Variants in DHPS observed in about 807,000 individuals in gnomAD.
The protein encoded by DHPS is migration-inducing gene 13.
In DHPS, 24 loss-of-function variants were observed where a neutral mutation model predicts 38.7. The ratio of observed to expected loss-of-function variants is 0.62; its 90% CI spans 0.45 to 0.87. DHPS has a LOEUF of 0.87. DHPS is among the 40% of genes least tolerant of loss of function. DHPS has a pLI of 0.00. For missense variants in DHPS, 510 were observed against 497.6 expected, an observed-to-expected ratio of 1.02 and a Z score of -0.24; for synonymous variants, 250 against 204.4, an observed-to-expected ratio of 1.22 and a Z score of -1.90.
chr19:12,677,412 C>T lies in DHPS; in HGVS notation c.679-16G>A, dbSNP rs979253304. ...GGATGTGGTTCTGCAGAGAACATGA[C>T]AGGACAGTGGCTGGAGCTCAGAGCC... On this transcript the variant is annotated splice_polypyrimidine_tract_variant and intron_variant, in intron 5 of 8. Transcript: ENST00000210060. The T allele has an allele frequency of 1.9e-6, 3 of 1,608,624 alleles. No individual in the cohort carries two copies. The highest frequency in any genetic ancestry group is 2.7e-5 in the African/African-American group (2 of 74,814).
downstream of DHPS, among the ~76,000 whole-genome samples, chr19:12,674,909 A>G (rs1437551771): frequency 1.3e-5 from 2 of 151,742 alleles, no homozygotes; most frequent in African/African-American, 4.8e-5. Context: ...AGGTCAGGAG[A>G]TAGAGATCAT....
chr19:12,681,778 C>T lies in DHPS; in HGVS notation c.-12G>A. On this transcript the variant is annotated 5_prime_UTR_variant, in exon 1 of 9. Coordinates refer to ENST00000210060, the MANE Select transcript of DHPS (RefSeq NM_001930.4). ...AGGGAACCTTCCATGCGCCTATAGC[C>T]GGCTCTCGAGTCAAAGCTGCCCCTA... 1.9e-6 allele frequency: 3 copies of T among 1,603,586 alleles called. No individual in the cohort carries two copies. The highest frequency in any genetic ancestry group is 1.7e-6 in the Non-Finnish European group (2 of 1,179,030).
downstream of DHPS, chr19:12,673,160 C>T: frequency 6.2e-7 from 1 of 1,610,574 alleles, no homozygotes; most frequent in Non-Finnish European, 8.5e-7. Flanking sequence ...TCCTCTCCCA[C>T]CCCTGGAGAG....
rs767317198 is a variant in DHPS, at chr19:12,679,906, G to A, written c.389C>T (p.Thr130Ile). 1.9e-6 allele frequency: 3 copies of A among 1,613,602 alleles called. No individual in the cohort carries two copies. Among genetic ancestry groups the A allele is most frequent in the Non-Finnish European group, 2.5e-6 (3 of 1,179,832 alleles). ...VQHNMVDVLV[T>I]TAGGVEEDLI... ...GTCTTCCTCCACGCCGCCAGCTGTG[G>A]TCACCAATACGTCCACCTGCAGCCA... The change falls in exon 3 of 9, where the codon ACC (threonine) becomes ATC (isoleucine). Residue 130 changes from threonine (T) to isoleucine (I), a missense_variant. Transcript: ENST00000210060.
intron 7 of DHPS, 95 bp downstream of exon 7, chr19:12,677,013 C>T (rs577113093): frequency 1.2e-5 from 14 of 1,183,448 alleles, no homozygotes; most frequent in South Asian, 1.2e-4. Flanking sequence ...AGCAGGGATC[C>T]TGGCCTGTCT....
chr19:12,675,122 C>T (rs922585682), downstream of DHPS, among the ~76,000 whole-genome samples: 1 of 146,236 alleles, frequency 6.8e-6, no homozygotes, highest in South Asian at 2.1e-4. Flanking sequence ...CAAAAAAAAA[C>T]AGAAAAAGAA....
In DHPS at chr19:12,676,156, G is replaced by A; in HGVS notation, c.889-14C>T. On this transcript the variant is annotated splice_polypyrimidine_tract_variant and intron_variant, in intron 7 of 8. Transcript: ENST00000210060. ...GGCCCCGTTCCGCTGTGGGGAGGCG[G>A]GGGCACGGTGGGCCCAGTCAGCCAG... 3.1e-6 allele frequency: 5 copies of A among 1,596,156 alleles called. No homozygotes were observed. The highest frequency in any genetic ancestry group is 3.4e-6 in the Non-Finnish European group (4 of 1,173,122).
intron 1 of DHPS, 68 bp downstream of exon 1, chr19:12,681,492 G>A (rs910416245): frequency 1.7e-5 from 26 of 1,566,096 alleles, no homozygotes; most frequent in Admixed American, 1.4e-4. Flanking sequence ...CGCTGCCCCC[G>A]TCTAGTACCG....
At chr19:12,679,948 G>A in intron 2 of DHPS, 26 bp from the exon 3 acceptor site, 3 of 1,602,028 alleles carry the variant, frequency 1.9e-6, no homozygotes, top group Non-Finnish European at 2.6e-6. Flanking sequence ...AGTGAATTTG[G>A]CCCAAGAAGG....
rs534533590 is a variant in DHPS at position 12,677,843 on chromosome 19, T to C, written c.679-447A>G. ...TTTTAGTAGAGACAGGGTTCCACCA[T>C]GTTGGCCAGGCTGGTCTTGAACTCC... On this transcript the variant is annotated intron_variant, in intron 5 of 8. Coordinates refer to ENST00000210060, the MANE Select transcript of DHPS (RefSeq NM_001930.4). Among the ~76,000 whole-genome samples, 255 of 151,974 alleles carry C rather than the reference T, an allele frequency of 1.7e-3. 1 individual carries two copies. The highest frequency in any genetic ancestry group is 5.9e-3 in the African/African-American group (243 of 41,538).
intron 1 of DHPS, among the ~76,000 whole-genome samples, chr19:12,680,621 C>T (rs78611481): frequency 0.26 from 38,733 of 150,526 alleles, 5,895 homozygotes; most frequent in Middle Eastern, 0.39. Flanking sequence ...GCAAGCTCCA[C>T]CTCCCGGGTT....
At chr19:12,681,453 A>C in intron 1 of DHPS, 107 bp downstream of exon 1, 2 of 1,337,438 alleles carry the variant, frequency 1.5e-6, no homozygotes, top group South Asian at 2.7e-5. Flanking sequence ...GGGCAACTCA[A>C]ATAAAAGACA....
Position 12,679,619 on chromosome 19 carries a change from CCA to C in DHPS, c.591+2_591+3del, listed in dbSNP as rs1201781426. 1 of 1,614,092 alleles carries C rather than the reference CCA, an allele frequency of 6.2e-7. No individual in the cohort carries two copies. The highest frequency in any genetic ancestry group is 8.5e-7 in the Non-Finnish European group (1 of 1,180,040). On this transcript the variant is annotated splice_donor_variant and splice_donor_region_variant and intron_variant, in intron 4 of 8. Transcript: ENST00000210060. LOFTEE classifies it high-confidence loss of function. ...CTGGCCCCTCCAGGTTGCCCCAGCC[CCA>C]CCTCTGTGTTCTGCTCCATCACCAT... is the stretch of plus-strand genomic sequence containing the variant.
In DHPS at chr19:12,681,819, G is replaced by C; in HGVS notation, c.-53C>G. 1 of 1,543,412 alleles carries C rather than the reference G, an allele frequency of 6.5e-7. No individual in the cohort carries two copies. The highest frequency in any genetic ancestry group is 8.8e-7 in the Non-Finnish European group (1 of 1,136,570). On this transcript the variant is annotated 5_prime_UTR_variant, in exon 1 of 9. Coordinates refer to ENST00000210060, the MANE Select transcript of DHPS (RefSeq NM_001930.4). The stretch of plus-strand genomic sequence containing the variant: ...GCTGCCCCTAGGCCGGGCTTACGGC[G>C]GCCCAGAAACGCGTTAAACCCCGAC...
chr19:12,678,381 C>G (rs1416185518), intron 5 of DHPS, among the ~76,000 whole-genome samples: 1 of 152,048 alleles, frequency 6.6e-6, no homozygotes, highest in Non-Finnish European at 1.5e-5. Context: ...GCAGGAGAAT[C>G]GACTGAGCCC....
chr19:12,676,898 T>C (rs1190574896), intron 7 of DHPS: 2 of 579,660 alleles, frequency 3.5e-6, no homozygotes, highest in East Asian at 3.0e-5. Context: ...ACAGCACCCC[T>C]TTCTCTTCTC....
chr19:12,679,781 A>C lies in DHPS; in HGVS notation c.494+20T>G. The C allele has an allele frequency of 1.2e-6, 2 of 1,614,040 alleles. No homozygotes were observed. The highest frequency in any genetic ancestry group is 2.7e-5 in the African/African-American group (2 of 75,016). On this transcript the variant is annotated intron_variant, in intron 3 of 8. Coordinates refer to ENST00000210060, the MANE Select transcript of DHPS (RefSeq NM_001930.4). Reference sequence around the variant, plus strand: ...ACCCTTGGTCCAGCTCCCCTGCCCAACACCACTCAGGGTTCTCACCTATTG... The same window carrying C: ...ACCCTTGGTCCAGCTCCCCTGCCCACCACCACTCAGGGTTCTCACCTATTG...
At chr19:12,678,258 CA>C (rs200039394) in intron 5 of DHPS, among the ~76,000 whole-genome samples, 1,369 of 114,190 alleles carry the variant, frequency 0.012, 18 homozygotes, top group Non-Finnish European at 0.014. Context: ...AACTCCGTCT[CA>C]AAAAAAAAAA....
In DHPS at chr19:12,675,945, G is replaced by C. The variant is rs757146704; in HGVS notation, c.1015-12C>G. ...GCGTCAGCATAGACCTGGGTAGGGG[G>C]GAACCTGGGTAAGCCATGGGACCCA... On this transcript the variant is annotated splice_polypyrimidine_tract_variant and intron_variant, in intron 8 of 8. Coordinates refer to ENST00000210060, the MANE Select transcript of DHPS (RefSeq NM_001930.4). The C allele has an allele frequency of 1.2e-6, 2 of 1,602,858 alleles. No individual in the cohort carries two copies. Among genetic ancestry groups the C allele is most frequent in the East Asian group, 4.5e-5 (2 of 44,700 alleles).
Sources: allele counts gnomAD v4.1 joint callset (sites outside exome capture counted in the v4.1 genomes callset), GRCh38; gene constraint gnomAD v4.1.1; transcripts MANE v1.5; gene names NCBI Gene and HGNC (gene_info 2026-07-23, HGNC 2026-07-21).